The following PDS5B variants were observed in gnomAD, a reference collection of about 807,000 sequenced individuals.
PDS5B encodes the protein sister chromatid cohesion protein PDS5 homolog B.
A neutral mutation model predicts 184.1 loss-of-function variants in PDS5B; 51 were observed. The observed-to-expected ratio is 0.28, with a 90% CI of 0.22 to 0.35. The LOEUF is 0.35. Ranked by LOEUF, PDS5B falls within the 10% of genes least tolerant of loss-of-function variation. PDS5B has a pLI of 1.00. For missense variants in PDS5B, 1,180 were observed against 1,723.3 expected, an observed-to-expected ratio of 0.68 and a Z score of 5.58; for synonymous variants, 566 against 569.2, an observed-to-expected ratio of 0.99 and a Z score of 0.08.
At chr13:32,774,842 T>TA (rs1364481139) in intron 34 of PDS5B, among the ~76,000 whole-genome samples, 175 bp from the exon 35 acceptor site, 3 of 152,170 alleles carry the variant, frequency 2.0e-5, no homozygotes, top group Non-Finnish European at 4.4e-5. Flanking sequence ...GATCAAATGT[T>TA]ATAGAGGTCT....
intron 1 of PDS5B, among the ~76,000 whole-genome samples, chr13:32,648,202 A>G (rs1950276332): frequency 6.6e-6 from 1 of 152,164 alleles, no homozygotes; most frequent in African/African-American, 2.4e-5. Flanking sequence ...CTTTGCAGGT[A>G]TATCTTCTTT....
intron 29 of PDS5B, 122 bp from the exon 30 acceptor site, chr13:32,760,453 A>G (rs954726127): frequency 5.1e-5 from 44 of 864,524 alleles, no homozygotes; most frequent in Non-Finnish European, 7.4e-5. Flanking sequence ...TTGCTTAAGG[A>G]TAGACACATT....
intron 19 of PDS5B, among the ~76,000 whole-genome samples, chr13:32,723,929 T>C (rs1357626379): frequency 1.3e-5 from 2 of 152,198 alleles, no homozygotes; most frequent in Non-Finnish European, 2.9e-5. Context: ...CCCCAGGTAT[T>C]CACCAACCAG....
At chr13:32,765,659 A>C (rs998495433) in intron 31 of PDS5B, among the ~76,000 whole-genome samples, 1 of 152,166 alleles carries the variant, frequency 6.6e-6, no homozygotes, top group Admixed American at 6.5e-5. Flanking sequence ...GCTGGAGTGC[A>C]GTGGCACGAT....
intron 25 of PDS5B, among the ~76,000 whole-genome samples, chr13:32,754,001 A>G (rs2141000133): frequency 6.6e-6 from 1 of 152,308 alleles, no homozygotes; most frequent in East Asian, 1.9e-4. Flanking sequence ...AACAAACAGC[A>G]TTAAAATCCA....
intron 29 of PDS5B, 128 bp from the exon 30 acceptor site, chr13:32,760,447 T>C: frequency 1.2e-6 from 1 of 806,930 alleles, no homozygotes; most frequent in Non-Finnish European, 2.0e-6. Flanking sequence ...ATTACTTTGC[T>C]TAAGGATAGA....
intron 1 of PDS5B, among the ~76,000 whole-genome samples, chr13:32,636,586 T>TG (rs2058564097): frequency 6.6e-6 from 1 of 152,226 alleles, no homozygotes; most frequent in African/African-American, 2.4e-5. Flanking sequence ...CATAGTTATT[T>TG]AACCTCTTTG....
At chr13:32,755,160 G>A (rs989843850) in intron 25 of PDS5B, among the ~76,000 whole-genome samples, 2 of 152,090 alleles carry the variant, frequency 1.3e-5, no homozygotes, top group African/African-American at 4.8e-5. Context: ...TTGGCAAATA[G>A]GAAATATAAA....
At chr13:32,678,739 T>C (rs1342880288) in intron 9 of PDS5B, 96 bp from the exon 10 acceptor site, 2 of 728,842 alleles carry the variant, frequency 2.7e-6, no homozygotes, top group Non-Finnish European at 4.6e-6. Flanking sequence ...ATAAACTGTT[T>C]TTTCTTTAAT....
chr13:32,707,021 A>T lies in PDS5B; in HGVS notation c.1944A>T (p.Ala648=), dbSNP rs185337880. 406 of 1,605,354 alleles carry T rather than the reference A, an allele frequency of 2.5e-4. No homozygotes were observed. In the African/African-American group the frequency reaches 5.0e-3, roughly 20 times the overall value. ...TTCCAACTGATCAAGCCATCAGAGCAGGTCTTGAACTGCTTAAGGTAAGTA... is the reference window on the plus strand; with the variant it reads ...TTCCAACTGATCAAGCCATCAGAGCTGGTCTTGAACTGCTTAAGGTAAGTA... ...EGVPTDQAIR[A]GLELLKVLSF... is the part of the protein sequence containing the mutation. Residue 648 remains alanine (A), a synonymous_variant, in exon 18 of 35, where the codon GCA becomes GCT. Transcript: ENST00000315596.
intron 6 of PDS5B, among the ~76,000 whole-genome samples, chr13:32,661,034 TA>T (rs1409530433): frequency 6.6e-6 from 1 of 151,890 alleles, no homozygotes; most frequent in Non-Finnish European, 1.5e-5. Flanking sequence ...TGATAAGAGG[TA>T]AAAAATGTAA....
intron 3 of PDS5B, among the ~76,000 whole-genome samples, chr13:32,655,353 C>A (rs1464345574): frequency 2.5e-5 from 1 of 40,274 alleles, no homozygotes; most frequent in African/African-American, 1.1e-4. Context: ...TCTTCATGTT[C>A]TTTGCCATAT....
intron 19 of PDS5B, among the ~76,000 whole-genome samples, chr13:32,718,902 C>T (rs763760851): frequency 6.6e-6 from 1 of 152,082 alleles, no homozygotes. Context: ...GGATATAATA[C>T]TTAACAAATA....
chr13:32,659,593 A>G (rs1192898883), intron 6 of PDS5B, among the ~76,000 whole-genome samples: 1 of 152,210 alleles, frequency 6.6e-6, no homozygotes, highest in Non-Finnish European at 1.5e-5. Flanking sequence ...AGATGGAACC[A>G]AGTAGGGCCA....
At chr13:32,611,470 A>AGACATTT (rs2140509842) in intron 1 of PDS5B, among the ~76,000 whole-genome samples, 1 of 151,088 alleles carries the variant, frequency 6.6e-6, no homozygotes, top group South Asian at 2.1e-4. Context: ...TTTCTGTGAA[A>AGACATTT]GACATTTGAT....
At chr13:32,661,890 TA>T (rs1222783466) in intron 6 of PDS5B, among the ~76,000 whole-genome samples, 3 of 152,134 alleles carry the variant, frequency 2.0e-5, no homozygotes. Context: ...TTAATGGAAT[TA>T]GTAAGTGATA....
intron 6 of PDS5B, among the ~76,000 whole-genome samples, chr13:32,659,844 A>G (rs181718027): frequency 2.0e-5 from 3 of 152,184 alleles, no homozygotes; most frequent in African/African-American, 7.2e-5. Context: ...AGAGGAGGAC[A>G]GGAATCACCA....
intron 19 of PDS5B, among the ~76,000 whole-genome samples, chr13:32,730,972 TC>T (rs1285523882): frequency 6.6e-6 from 1 of 152,206 alleles, no homozygotes; most frequent in Non-Finnish European, 1.5e-5. Flanking sequence ...GGCCAGAACT[TC>T]CAATACTATG....
chr13:32,760,799 A>G, intron 30 of PDS5B, 79 bp downstream of exon 30: 1 of 1,310,552 alleles, frequency 7.6e-7, no homozygotes, highest in Non-Finnish European at 1.1e-6. Context: ...ATAATCCAAA[A>G]TGTTTCATGT....
Sources: gnomAD v4.1 joint callset for allele counts (sites outside exome capture counted in the v4.1 genomes callset) on GRCh38, gnomAD v4.1.1 for gene constraint, MANE v1.5 for transcripts, NCBI Gene and HGNC (gene_info 2026-07-23, HGNC 2026-07-21) for gene names.